Variants in MGAT4C observed in about 807,000 individuals in gnomAD.
MGAT4C encodes MGAT4 family member C.
In MGAT4C, 19 loss-of-function variants were observed where a neutral mutation model predicts 40.1. That is an observed-to-expected ratio of 0.47 (90% CI 0.33 to 0.70). The LOEUF (loss-of-function observed/expected upper bound fraction) is 0.70. MGAT4C is among the 30% of genes least tolerant of loss of function. MGAT4C has a pLI of 0.02. For missense variants in MGAT4C, 491 were observed against 563.2 expected, an observed-to-expected ratio of 0.87 and a Z score of 1.30; for synonymous variants, 181 against 187.1, an observed-to-expected ratio of 0.97 and a Z score of 0.27.
intron 2 of MGAT4C, among the ~76,000 whole-genome samples, chr12:86,447,460 G>A (rs1036462489): frequency 6.1e-4 from 92 of 152,034 alleles, no homozygotes; most frequent in African/African-American, 2.1e-3. Flanking sequence ...AAACAACTTG[G>A]CTATCCAAGT....
intron 3 of MGAT4C, among the ~76,000 whole-genome samples, chr12:86,392,847 T>C (rs372010300): frequency 1.1e-4 from 17 of 152,356 alleles, no homozygotes; most frequent in African/African-American, 3.8e-4. Context: ...AAGAAATTCA[T>C]CATCAATTTG....
chr12:86,603,474 A>G (rs1224155720), intron 2 of MGAT4C, among the ~76,000 whole-genome samples: 103 of 118,576 alleles, frequency 8.7e-4, no homozygotes, highest in Admixed American at 3.0e-4. Flanking sequence ...TATACTATAT[A>G]TAGTCTATAG....
chr12:86,195,313 T>C (rs1949761356), intron 1 of MGAT4C, among the ~76,000 whole-genome samples: 1 of 152,176 alleles, frequency 6.6e-6, no homozygotes, highest in Non-Finnish European at 1.5e-5. Flanking sequence ...TTAAAGTTTT[T>C]ATAATTGTTC....
chr12:86,050,519 T>G (rs1010874281), intron 1 of MGAT4C, among the ~76,000 whole-genome samples: 4 of 152,092 alleles, frequency 2.6e-5, no homozygotes, highest in Non-Finnish European at 4.4e-5. Flanking sequence ...TTGGGCTATT[T>G]AAGTAACTCT....
chr12:86,323,802 T>C (rs1166147862), intron 4 of MGAT4C, among the ~76,000 whole-genome samples: 1 of 151,920 alleles, frequency 6.6e-6, no homozygotes, highest in Non-Finnish European at 1.5e-5. Flanking sequence ...CTTCCGACAA[T>C]TCCTATTATC....
At chr12:86,476,465 A>G (rs1422256349) in intron 2 of MGAT4C, among the ~76,000 whole-genome samples, 1 of 152,094 alleles carries the variant, frequency 6.6e-6, no homozygotes, top group Non-Finnish European at 1.5e-5. Flanking sequence ...GGGAAAGCTT[A>G]TATACTGTTG....
chr12:86,188,178 G>C (rs1302374074), intron 1 of MGAT4C, among the ~76,000 whole-genome samples: 1 of 152,020 alleles, frequency 6.6e-6, no homozygotes, highest in Non-Finnish European at 1.5e-5. Flanking sequence ...ATGATGATGA[G>C]AAATGATTAA....
intron 3 of MGAT4C, among the ~76,000 whole-genome samples, chr12:86,383,609 G>T (rs1955995870): frequency 7.0e-6 from 1 of 143,470 alleles, no homozygotes; most frequent in Admixed American, 7.0e-5. Context: ...CTTGAATTTT[G>T]GTTTGCATGA....
At chr12:86,762,461 G>A (rs962524754) in intron 1 of MGAT4C, among the ~76,000 whole-genome samples, 2 of 152,120 alleles carry the variant, frequency 1.3e-5, no homozygotes, top group African/African-American at 4.8e-5. Flanking sequence ...GCTGTGGGGT[G>A]AGAAAGCCAC....
At chr12:86,197,756 T>C (rs1226060659) in intron 1 of MGAT4C, among the ~76,000 whole-genome samples, 2 of 152,210 alleles carry the variant, frequency 1.3e-5, no homozygotes, top group Non-Finnish European at 2.9e-5. Flanking sequence ...GGAAACATCA[T>C]CATCTTTTTA....
At chr12:86,089,276 A>T (rs1390657589) in intron 1 of MGAT4C, among the ~76,000 whole-genome samples, 3 of 151,918 alleles carry the variant, frequency 2.0e-5, no homozygotes, top group Non-Finnish European at 4.4e-5. Flanking sequence ...AATATTTTGA[A>T]AAGTGTTTCT....
At chr12:86,661,429 C>T (rs1963977127) in intron 2 of MGAT4C, among the ~76,000 whole-genome samples, 1 of 151,732 alleles carries the variant, frequency 6.6e-6, no homozygotes, top group South Asian at 2.1e-4. Flanking sequence ...ATCTTAATGT[C>T]ATAAGGTAAA....
intron 1 of MGAT4C, among the ~76,000 whole-genome samples, chr12:86,732,260 T>G (rs935796077): frequency 6.6e-6 from 1 of 152,154 alleles, no homozygotes; most frequent in Non-Finnish European, 1.5e-5. Flanking sequence ...AATGTTTTAA[T>G]ACAACAGTAC....
At chr12:86,316,504 G>A (rs1403726535) in intron 4 of MGAT4C, among the ~76,000 whole-genome samples, 2 of 152,128 alleles carry the variant, frequency 1.3e-5, no homozygotes, top group Non-Finnish European at 2.9e-5. Flanking sequence ...AGAAAATGTG[G>A]TACACATACA....
At chr12:86,329,242 C>T (rs1954599584) in intron 4 of MGAT4C, among the ~76,000 whole-genome samples, 2 of 151,792 alleles carry the variant, frequency 1.3e-5, no homozygotes. Context: ...TCTAATGCAA[C>T]AAAAATAATA....
chr12:86,714,556 A>T (rs147529579), intron 2 of MGAT4C, among the ~76,000 whole-genome samples: 32 of 151,338 alleles, frequency 2.1e-4, no homozygotes, highest in Middle Eastern at 3.4e-3. Context: ...ATAAGGGGAA[A>T]CTCCTTTCAC....
chr12:86,571,694 T>G (rs911305998), intron 2 of MGAT4C, among the ~76,000 whole-genome samples: 8 of 152,150 alleles, frequency 5.3e-5, no homozygotes, highest in African/African-American at 1.9e-4. Context: ...TAAGCTTTAA[T>G]CCTACCTTAG....
chr12:86,822,838 T>C (rs950874615), intron 1 of MGAT4C, among the ~76,000 whole-genome samples: 30 of 151,274 alleles, frequency 2.0e-4, no homozygotes, highest in African/African-American at 6.5e-4. Flanking sequence ...CTAAATATTC[T>C]ACCTAAGAGC....
chr12:86,486,546 C>T (rs907478449), intron 2 of MGAT4C, among the ~76,000 whole-genome samples: 10 of 152,078 alleles, frequency 6.6e-5, no homozygotes, highest in Non-Finnish European at 1.5e-4. Flanking sequence ...AATATATATG[C>T]ACCCAGCATT....
Sources: allele counts gnomAD v4.1 joint callset (sites outside exome capture counted in the v4.1 genomes callset), GRCh38; gene constraint gnomAD v4.1.1; transcripts MANE v1.5; gene names NCBI Gene and HGNC (gene_info 2026-07-23, HGNC 2026-07-21).